AK9: variants seen among roughly 807,000 people sequenced by gnomAD.
AK9 encodes adenylate kinase 9.
A neutral mutation model predicts 239.6 loss-of-function variants in AK9; 191 were observed. The ratio of observed to expected loss-of-function variants is 0.80; its 90% CI spans 0.71 to 0.90. The LOEUF is 0.90. AK9 is among the 40% of genes least tolerant of loss of function. The pLI, the probability that AK9 is intolerant of heterozygous loss-of-function variation, is 0.00. For missense variants in AK9, 1,995 were observed against 2,214.7 expected, an observed-to-expected ratio of 0.90 and a Z score of 1.99; for synonymous variants, 689 against 721.0, an observed-to-expected ratio of 0.96 and a Z score of 0.71.
At chr6:109,593,410 T>C (rs1013671800) in intron 17 of AK9, among the ~76,000 whole-genome samples, 1 of 152,116 alleles carries the variant, frequency 6.6e-6, no homozygotes, top group East Asian at 1.9e-4. Context: ...ACCAGATGGA[T>C]TCACAGCTGA....
intron 6 of AK9, among the ~76,000 whole-genome samples, chr6:109,660,732 T>C (rs1800310631): frequency 6.6e-6 from 1 of 152,154 alleles, no homozygotes; most frequent in Non-Finnish European, 1.5e-5. Context: ...CTGAAGGATA[T>C]AACTCAGAGC....
At chr6:109,654,341 AT>A (rs935173004) in intron 8 of AK9, among the ~76,000 whole-genome samples, 2 of 151,696 alleles carry the variant, frequency 1.3e-5, no homozygotes, top group Admixed American at 6.6e-5. Context: ...TAATATATAT[AT>A]TTTTTTTCTT....
chr6:109,548,839 A>T (rs1400042112), intron 25 of AK9, among the ~76,000 whole-genome samples: 1 of 152,248 alleles, frequency 6.6e-6, no homozygotes, highest in Non-Finnish European at 1.5e-5. Flanking sequence ...GAGATGAAAC[A>T]TGGCTTTATC....
intron 12 of AK9, among the ~76,000 whole-genome samples, chr6:109,619,454 C>G (rs1172665697): frequency 3.3e-5 from 5 of 151,732 alleles, no homozygotes; most frequent in Non-Finnish European, 7.4e-5. Context: ...GGATATATGT[C>G]TATATATGTA....
chr6:109,599,148 C>T (rs1451988431), intron 17 of AK9, among the ~76,000 whole-genome samples: 2 of 152,168 alleles, frequency 1.3e-5, no homozygotes, highest in African/African-American at 4.8e-5. Context: ...AAGTCCTTGC[C>T]TATTCCTATG....
At chr6:109,571,453 C>T (rs974211579) in intron 21 of AK9, among the ~76,000 whole-genome samples, 13 of 152,130 alleles carry the variant, frequency 8.5e-5, no homozygotes, top group African/African-American at 2.9e-4. Flanking sequence ...TCTCTCAAGC[C>T]GAAGTCTAAT....
chr6:109,611,876 G>A, intron 16 of AK9, 134 bp downstream of exon 16: 2 of 628,096 alleles, frequency 3.2e-6, no homozygotes, highest in Non-Finnish European at 2.7e-6. Context: ...CATTAAAATA[G>A]AGTACTTGGG....
intron 27 of AK9, among the ~76,000 whole-genome samples, chr6:109,539,826 G>A (rs1361916309): frequency 6.6e-6 from 1 of 152,146 alleles, no homozygotes; most frequent in African/African-American, 2.4e-5. Context: ...TTAACAGTTA[G>A]GACCCTCAGC....
intron 24 of AK9, among the ~76,000 whole-genome samples, chr6:109,551,707 G>T (rs973296197): frequency 7.3e-5 from 11 of 150,244 alleles, no homozygotes; most frequent in African/African-American, 2.5e-4. Flanking sequence ...TTTAGTAATT[G>T]ATTTTATTTG....
intron 29 of AK9, chr6:109,527,752 A>G: frequency 6.6e-6 from 1 of 152,212 alleles, no homozygotes; most frequent in Non-Finnish European, 1.5e-5. Flanking sequence ...GACTTACAAA[A>G]TCCTATTTAA....
intron 8 of AK9, among the ~76,000 whole-genome samples, 167 bp downstream of exon 8, chr6:109,656,589 G>A (rs1487744445): frequency 6.6e-6 from 1 of 152,052 alleles, no homozygotes; most frequent in East Asian, 1.9e-4. Context: ...TATTGTTCTG[G>A]GAAACAGTCT....
chr6:109,587,474 C>T (rs1222866324), intron 17 of AK9, among the ~76,000 whole-genome samples: 12 of 152,164 alleles, frequency 7.9e-5, no homozygotes, highest in Non-Finnish European at 1.3e-4. Flanking sequence ...GAGCAAGGCA[C>T]ACTGTATCAG....
At chr6:109,634,702 A>G (rs1796505696) in intron 10 of AK9, among the ~76,000 whole-genome samples, 1 of 152,202 alleles carries the variant, frequency 6.6e-6, no homozygotes, top group African/African-American at 2.4e-5. Context: ...AGAGTTGTAT[A>G]AGACTGAGAA....
chr6:109,571,062 T>C (rs1173787384), intron 21 of AK9, among the ~76,000 whole-genome samples: 1 of 152,214 alleles, frequency 6.6e-6, no homozygotes, highest in Non-Finnish European at 1.5e-5. Flanking sequence ...AGTTGTTTTA[T>C]ATATGTGAAA....
chr6:109,580,424 A>C (rs1788683828), intron 19 of AK9, among the ~76,000 whole-genome samples: 1 of 152,220 alleles, frequency 6.6e-6, no homozygotes, highest in Admixed American at 6.5e-5. Context: ...TAGCCCTCAG[A>C]AACAGGAATA....
intron 10 of AK9, among the ~76,000 whole-genome samples, chr6:109,639,563 T>G (rs1362182747): frequency 3.3e-5 from 5 of 152,184 alleles, no homozygotes; most frequent in African/African-American, 7.2e-5. Flanking sequence ...TTGTCAGATG[T>G]GTAGATTGCA....
Position 109,516,461 on chromosome 6 carries a change from T to G in AK9, c.3815A>C (p.Glu1272Ala), listed in dbSNP as rs1779285210. Residue 1272 changes from glutamate (E) to alanine (A), a missense_variant, in exon 30 of 41, where the codon GAA becomes GCA. This residue lies in a region of AK9 where 1,290 missense variants were observed against 1,392.7 expected (regional missense o/e 0.93). Coordinates refer to ENST00000424296, the MANE Select transcript of AK9 (RefSeq NM_001145128.3). ...RLRGELGEKF[E>A]ADTHNLQIIQ... is the part of the protein sequence containing the mutation. ...TATTTGTAAATTATGTGTATCTGCT[T>G]CAAATTTTTCTCCTAGTTCACCTCT... 4 of 1,551,482 alleles carry G rather than the reference T, an allele frequency of 2.6e-6. No individual in the cohort carries two copies. In the South Asian group the frequency reaches 4.8e-5, roughly 18 times the overall value.
intron 10 of AK9, among the ~76,000 whole-genome samples, chr6:109,639,782 G>T (rs1457491792): frequency 6.6e-6 from 1 of 152,166 alleles, no homozygotes; most frequent in Non-Finnish European, 1.5e-5. Context: ...ACAGTTTTAG[G>T]TCTAACATTT....
At chr6:109,687,031 G>A (rs1189570089) in intron 1 of AK9, among the ~76,000 whole-genome samples, 7 of 152,208 alleles carry the variant, frequency 4.6e-5, no homozygotes, top group Non-Finnish European at 4.4e-5. Context: ...AAGAAGAGCT[G>A]ACAGAAAATG....
Sources: allele counts gnomAD v4.1 joint callset (sites outside exome capture counted in the v4.1 genomes callset), GRCh38; gene constraint gnomAD v4.1.1; regional missense constraint gnomAD v4.1.1; transcripts MANE v1.5; gene names NCBI Gene and HGNC (gene_info 2026-07-23, HGNC 2026-07-21).